The following CTBP2 variants were observed in gnomAD, a reference collection of about 807,000 sequenced individuals.
CTBP2 encodes C-terminal-binding protein 2.
Under a neutral mutation model 80.3 loss-of-function variants are expected in CTBP2, and 30 were observed. The observed-to-expected ratio is 0.37, with a 90% CI of 0.28 to 0.51. The LOEUF is 0.51. Among genes scored for constraint, CTBP2 ranks in the 20% least tolerant of loss-of-function variants. The pLI is 0.93. For missense variants in CTBP2, 1,212 were observed against 1,375.3 expected, an observed-to-expected ratio of 0.88 and a Z score of 1.88; for synonymous variants, 594 against 587.4, an observed-to-expected ratio of 1.01 and a Z score of -0.16.
chr10:125,133,127 C>T (rs1313416210), intron 1 of CTBP2, among the ~76,000 whole-genome samples: 2 of 152,214 alleles, frequency 1.3e-5, no homozygotes, highest in Non-Finnish European at 2.9e-5. Context: ...ATCCCTCAAT[C>T]CTGCTCAAGC....
intron 1 of CTBP2, among the ~76,000 whole-genome samples, chr10:125,124,210 C>G (rs956758841): frequency 6.6e-6 from 1 of 152,158 alleles, no homozygotes; most frequent in Non-Finnish European, 1.5e-5. Flanking sequence ...CTGGTGCCCT[C>G]AAATGCCACA....
intron 2 of CTBP2, among the ~76,000 whole-genome samples, chr10:125,060,463 CGTGTGTGTGTGTGTGTGTGTGTGTGTGT>C (rs56032803): frequency 3.4e-5 from 5 of 147,854 alleles, no homozygotes; most frequent in African/African-American, 1.2e-4. Flanking sequence ...ATTCCCCCCA[CGTGTGTGTGTGTGTGTGTGTGTGTGTGT>C]GTGTGTGTGT....
At position 125,027,713 on chromosome 10, in the gene CTBP2, C is replaced by T; in HGVS notation, c.47G>A (p.Trp16Ter). 6.2e-7 allele frequency: 1 copy of T among 1,611,944 alleles called. No homozygotes were observed. Among genetic ancestry groups the T allele is most frequent in the South Asian group, 1.1e-5 (1 of 91,002 alleles). Residue 16 changes from tryptophan to a stop codon, truncating the protein, a stop_gained, in exon 1 of 9, where the codon TGG (tryptophan) becomes TAG (stop). Coordinates refer to ENST00000309035, the MANE Select transcript of CTBP2 (RefSeq NM_022802.3). LOFTEE classifies it high-confidence loss of function. ...GCCCTCGTACCACCCAGCAGCATCC[C>T]AGCTCTGAGAACGACCAATATTTAT...
Position 125,063,903 on chromosome 10 carries a change from C to T in CTBP2, c.-101-24748G>A, listed in dbSNP as rs1469605331. 2.6e-5 allele frequency among the ~76,000 whole-genome samples: 4 copies of T among 152,038 alleles called. No individual in the cohort carries two copies. In the East Asian group the frequency reaches 7.8e-4, roughly 30 times the overall value. ...GGACCCCTGCAGCAACTCCATCAGGCACGGTTTTCCCCCACCCCCAGGCTG... is the reference window on the plus strand; with the variant it reads ...GGACCCCTGCAGCAACTCCATCAGGTACGGTTTTCCCCCACCCCCAGGCTG... On this transcript the variant is annotated intron_variant, in intron 2 of 10. Transcript: ENST00000337195.
intron 1 of CTBP2, among the ~76,000 whole-genome samples, chr10:125,118,847 C>T (rs1380214951): frequency 6.6e-6 from 1 of 152,246 alleles, no homozygotes; most frequent in South Asian, 2.1e-4. Flanking sequence ...CTCAGAAGCA[C>T]TTGAAGGTAT....
rs185457064 is a variant in CTBP2 at position 125,148,717 on chromosome 10, T to C, written c.-206+11602A>G. Among the ~76,000 whole-genome samples, 232 of 152,350 alleles carry C rather than the reference T, an allele frequency of 1.5e-3. 2 individuals carry two copies. Among genetic ancestry groups the C allele is most frequent in the Admixed American group, 0.011 (165 of 15,298 alleles). ...TTCCTTTGCCCACTATTTGGAGCCA[T>C]GTGGCCAATTTAGGATAGAAAAATA... is the stretch of plus-strand genomic sequence containing the variant. On this transcript the variant is annotated intron_variant, in intron 1 of 10. Transcript: ENST00000337195.
At chr10:125,102,624 T>C (rs1467998210) in intron 2 of CTBP2, among the ~76,000 whole-genome samples, 1 of 152,024 alleles carries the variant, frequency 6.6e-6, no homozygotes, top group Non-Finnish European at 1.5e-5. Flanking sequence ...AATGAGGGAG[T>C]GGCAGTGAGT....
In CTBP2 at chr10:124,998,006, C is replaced by T. The variant is rs1386718682; in HGVS notation, c.2143G>A (p.Ala715Thr). Residue 715 changes from alanine (A) to threonine (T), a missense_variant, in exon 4 of 9, where the codon GCG (alanine) becomes ACG (threonine). By Grantham distance (58) the Ala-to-Thr change is moderately conservative. This residue lies in a region of CTBP2 where 335 missense variants were observed against 504.7 expected (regional missense o/e 0.66). Coordinates refer to ENST00000309035, the MANE Select transcript of CTBP2 (RefSeq NM_022802.3). ...AGCGTCTCCCCACGGATGCGGGCCG[C>T]TCCCGAGGCCACCTCGCGGATCTGC... 8.1e-6 allele frequency: 13 copies of T among 1,613,116 alleles called. No individual in the cohort carries two copies. Among genetic ancestry groups the T allele is most frequent in the Non-Finnish European group, 1.0e-5 (12 of 1,179,978 alleles).
At chr10:125,035,483 C>T (rs1350400501) in intron 3 of CTBP2, among the ~76,000 whole-genome samples, 3 of 152,212 alleles carry the variant, frequency 2.0e-5, no homozygotes, top group Non-Finnish European at 4.4e-5. Flanking sequence ...GAACAAAACG[C>T]AGTAAAACGA....
chr10:125,130,424 A>G (rs1371998583), intron 1 of CTBP2, among the ~76,000 whole-genome samples: 2 of 152,132 alleles, frequency 1.3e-5, no homozygotes, highest in Admixed American at 6.5e-5. Flanking sequence ...GTTCCCCAAG[A>G]GCAAAGTGAT....
intron 1 of CTBP2, chr10:125,160,102 G>C (rs990657643): frequency 6.7e-6 from 1 of 148,914 alleles, no homozygotes; most frequent in Non-Finnish European, 1.5e-5. Context: ...GGACCCCCGA[G>C]CCAGCGTCCA....
In CTBP2 at chr10:124,985,586, A is replaced by G. The variant is rs1469343738; in HGVS notation, c.*3932T>C. The G allele has an allele frequency of 6.5e-6, 1 of 152,710 alleles. No homozygotes were observed. The highest frequency in any genetic ancestry group is 1.5e-5 in the Non-Finnish European group (1 of 68,062). 9.5% of individuals were successfully genotyped at this position (152,710 alleles called of 1,614,324 possible). A position where few individuals can be genotyped will look rare whatever the true frequency, so the allele number is the denominator to read the frequency against. ...GAACAAACTGCAAGAAAAGCTAAGA[A>G]TGTTTTAGAGTGAACTAAATACAGA... is the stretch of plus-strand genomic sequence containing the variant. On this transcript the variant is annotated 3_prime_UTR_variant, in exon 9 of 9. Transcript: ENST00000309035.
At chr10:125,046,536 T>TAAAAAAAAAA (rs1961290767) in intron 2 of CTBP2, among the ~76,000 whole-genome samples, 2 of 25,162 alleles carry the variant, frequency 7.9e-5, no homozygotes, top group Admixed American at 4.7e-4. Context: ...AGACTCTATC[T>TAAAAAAAAAA]CAAAAAAAAA....
Position 125,026,162 on chromosome 10 carries a change from G to C in CTBP2, c.1598C>G (p.Thr533Arg), listed in dbSNP as rs201489673. Residue 533 changes from threonine (T) to arginine (R), a missense_variant, in exon 1 of 9, where the codon ACG becomes AGG. Transcript: ENST00000309035. Reference sequence around the variant, plus strand: ...CACCTTCTGGTACGGTGAGTGAGGCGTGTGGAGGCTCTGGCTGGCCGGCGG... The same window carrying C: ...CACCTTCTGGTACGGTGAGTGAGGCCTGTGGAGGCTCTGGCTGGCCGGCGG... The C allele has an allele frequency of 1.9e-4, 301 of 1,611,080 alleles. 2 individuals are homozygous for C. The East Asian group carries it at 6.6e-3, about 35-fold the overall frequency.
chr10:125,142,853 T>C (rs1858066266), intron 1 of CTBP2, among the ~76,000 whole-genome samples: 1 of 152,184 alleles, frequency 6.6e-6, no homozygotes, highest in African/African-American at 2.4e-5. Context: ...CTGCCTGAGA[T>C]GCAGCTCCGC....
chr10:124,995,720 C>T (rs1027324610), intron 4 of CTBP2, among the ~76,000 whole-genome samples: 3 of 152,176 alleles, frequency 2.0e-5, no homozygotes, highest in Non-Finnish European at 2.9e-5. Context: ...TAGCAAGGCA[C>T]GAACCATCAC....
Position 125,027,359 on chromosome 10 carries a change from C to G in CTBP2, c.401G>C (p.Arg134Pro). 6.2e-7 allele frequency: 1 copy of G among 1,613,532 alleles called. No homozygotes were observed. Among genetic ancestry groups the G allele is most frequent in the African/African-American group, 1.3e-5 (1 of 75,020 alleles). ...AAGCACTCCGTAGCTGGGGACCGGCCGGCTGACTCCTGGGTCCCGATAGAG... is the reference window on the plus strand; with the variant it reads ...AAGCACTCCGTAGCTGGGGACCGGCGGGCTGACTCCTGGGTCCCGATAGAG... The change falls in exon 1 of 9, where the codon CGG becomes CCG. Residue 134 changes from arginine to proline, a missense_variant. Coordinates refer to ENST00000309035, the MANE Select transcript of CTBP2 (RefSeq NM_022802.3).
rs535580590 is a variant in CTBP2, at chr10:124,984,991, G to GA, written c.*4526dup. ...GAAGATGAGGATGATGAAGATGAAT[G>GA]AAAAAAAAAATCAAACAGCAGAAGA... On this transcript the variant is annotated 3_prime_UTR_variant, in exon 9 of 9. Coordinates refer to ENST00000309035, the MANE Select transcript of CTBP2 (RefSeq NM_022802.3). The GA allele has an allele frequency of 0.1, 149,613 of 1,502,456 alleles. 4,979 individuals carry two copies. Among genetic ancestry groups the GA allele is most frequent in the Admixed American group, 0.2 (10,491 of 52,658 alleles). 93.1% of individuals were successfully genotyped at this position (1,502,456 alleles called of 1,614,324 possible).
At chr10:125,152,167 G>A (rs988900897) in intron 1 of CTBP2, among the ~76,000 whole-genome samples, 74 of 152,230 alleles carry the variant, frequency 4.9e-4, no homozygotes, top group Middle Eastern at 3.4e-3. Flanking sequence ...CACCCGCCGG[G>A]AGGAGAGGGG....
Sources: allele counts gnomAD v4.1 joint callset (sites outside exome capture counted in the v4.1 genomes callset), GRCh38; gene constraint gnomAD v4.1.1; regional missense constraint gnomAD v4.1.1; transcripts MANE v1.5; gene names NCBI Gene and HGNC (gene_info 2026-07-23, HGNC 2026-07-21).